Variants in PTPRD observed in about 807,000 individuals in gnomAD.
PTPRD encodes the protein receptor-type tyrosine-protein phosphatase delta.
Under a neutral mutation model 214.5 loss-of-function variants are expected in PTPRD, and 34 were observed. The ratio of observed to expected loss-of-function variants is 0.16; its 90% CI spans 0.12 to 0.21. The LOEUF (loss-of-function observed/expected upper bound fraction) is 0.21. PTPRD is among the 10% of genes least tolerant of loss of function. The pLI is 1.00. For missense variants in PTPRD, 2,545 were observed against 2,398.7 expected, an observed-to-expected ratio of 1.06 and a Z score of -1.27; for synonymous variants, 1,128 against 845.7, an observed-to-expected ratio of 1.33 and a Z score of -5.79.
chr9:8,998,373 C>G (rs1169792160), intron 11 of PTPRD, among the ~76,000 whole-genome samples: 1 of 151,998 alleles, frequency 6.6e-6, no homozygotes, highest in Non-Finnish European at 1.5e-5. Context: ...AAGAATTATG[C>G]TAAATCTACC....
At chr9:9,951,961 A>G (rs756621323) in intron 4 of PTPRD, among the ~76,000 whole-genome samples, 6 of 152,184 alleles carry the variant, frequency 3.9e-5, no homozygotes, top group Non-Finnish European at 7.3e-5. Context: ...GCCCAAATAT[A>G]TATGTTGGAA....
intron 6 of PTPRD, among the ~76,000 whole-genome samples, chr9:9,752,754 A>C (rs181629408): frequency 1.4e-4 from 22 of 152,180 alleles, no homozygotes; most frequent in Admixed American, 3.9e-4. Context: ...AATTTTAGAA[A>C]AATCGTTTTA....
chr9:9,848,683 T>C (rs1264347538), intron 5 of PTPRD, among the ~76,000 whole-genome samples: 1 of 152,054 alleles, frequency 6.6e-6, no homozygotes, highest in Non-Finnish European at 1.5e-5. Flanking sequence ...AGAAAATATA[T>C]CACACAAAAT....
chr9:9,610,178 C>T (rs1044693483), intron 7 of PTPRD, among the ~76,000 whole-genome samples: 2 of 152,066 alleles, frequency 1.3e-5, no homozygotes, highest in African/African-American at 4.8e-5. Context: ...TATAATGTAG[C>T]GTATTTCAAC....
chr9:9,945,735 A>T (rs1321960452), intron 4 of PTPRD, among the ~76,000 whole-genome samples: 1 of 152,130 alleles, frequency 6.6e-6, no homozygotes, highest in Non-Finnish European at 1.5e-5. Flanking sequence ...ACATAAATAG[A>T]ACACTTCTGA....
intron 7 of PTPRD, among the ~76,000 whole-genome samples, chr9:9,734,251 T>C (rs1158200642): frequency 1.3e-5 from 2 of 152,128 alleles, no homozygotes; most frequent in African/African-American, 2.4e-5. Flanking sequence ...ACTCTTTCAG[T>C]GGGGATTTAA....
At chr9:8,679,283 G>T (rs762411024) in intron 12 of PTPRD, among the ~76,000 whole-genome samples, 3 of 152,264 alleles carry the variant, frequency 2.0e-5, no homozygotes, top group South Asian at 2.1e-4. Flanking sequence ...CTCTTGATAC[G>T]ATTTCTGATC....
At chr9:8,859,251 G>A (rs1229123967) in intron 11 of PTPRD, among the ~76,000 whole-genome samples, 1 of 152,208 alleles carries the variant, frequency 6.6e-6, no homozygotes, top group African/African-American at 2.4e-5. Flanking sequence ...TTCTCTGAAG[G>A]ACACTATAAC....
chr9:9,785,925 A>C (rs2098920114), intron 5 of PTPRD, among the ~76,000 whole-genome samples: 1 of 152,188 alleles, frequency 6.6e-6, no homozygotes, highest in South Asian at 2.1e-4. Context: ...GTCATGATGA[A>C]ATGAAGGCAA....
intron 3 of PTPRD, among the ~76,000 whole-genome samples, chr9:10,196,307 A>G (rs1231539103): frequency 1.3e-5 from 2 of 152,172 alleles, no homozygotes; most frequent in East Asian, 3.8e-4. Flanking sequence ...TGTCACTAAT[A>G]AGAGGACCTC....
intron 2 of PTPRD, among the ~76,000 whole-genome samples, chr9:10,448,489 G>T (rs2098814895): frequency 6.6e-6 from 1 of 151,848 alleles, no homozygotes; most frequent in Admixed American, 6.6e-5. Flanking sequence ...AGTGAAAGGT[G>T]GTTCATCTAA....
At chr9:10,221,660 A>T (rs2099571512) in intron 3 of PTPRD, among the ~76,000 whole-genome samples, 1 of 152,060 alleles carries the variant, frequency 6.6e-6, no homozygotes, top group African/African-American at 2.4e-5. Flanking sequence ...TCTGGTGTGT[A>T]TAAATAGATG....
intron 9 of PTPRD, among the ~76,000 whole-genome samples, chr9:9,286,500 C>A (rs1337624214): frequency 6.6e-6 from 1 of 151,746 alleles, no homozygotes; most frequent in African/African-American, 2.4e-5. Context: ...AATGTCCATT[C>A]ACAACTCTGA....
At chr9:10,305,467 A>G (rs1182197227) in intron 3 of PTPRD, among the ~76,000 whole-genome samples, 6 of 151,984 alleles carry the variant, frequency 3.9e-5, no homozygotes, top group African/African-American at 1.5e-4. Flanking sequence ...AGAAACTATC[A>G]TCAGAGTGAA....
At chr9:9,684,460 C>T (rs138684486) in intron 7 of PTPRD, among the ~76,000 whole-genome samples, 98 of 151,696 alleles carry the variant, frequency 6.5e-4, no homozygotes, top group African/African-American at 2.3e-3. Flanking sequence ...TTCTCTATGG[C>T]CTCATTTAGA....
At chr9:10,432,833 C>G (rs575819393) in intron 2 of PTPRD, among the ~76,000 whole-genome samples, 1 of 152,068 alleles carries the variant, frequency 6.6e-6, no homozygotes, top group Non-Finnish European at 1.5e-5. Context: ...CAAACTACTC[C>G]TATTTCCCGA....
At chr9:9,214,276 T>A (rs773102937) in intron 9 of PTPRD, among the ~76,000 whole-genome samples, 1 of 152,192 alleles carries the variant, frequency 6.6e-6, no homozygotes, top group Non-Finnish European at 1.5e-5. Flanking sequence ...CCCGATATGG[T>A]CCAGTGGAAA....
At chr9:10,155,777 C>T (rs1222658450) in intron 3 of PTPRD, among the ~76,000 whole-genome samples, 1 of 152,104 alleles carries the variant, frequency 6.6e-6, no homozygotes, top group Non-Finnish European at 1.5e-5. Context: ...ACCAATCTTG[C>T]ATCCCAGAGA....
intron 2 of PTPRD, among the ~76,000 whole-genome samples, chr9:10,388,432 A>G (rs1367827777): frequency 6.6e-6 from 1 of 151,152 alleles, no homozygotes; most frequent in African/African-American, 2.4e-5. Flanking sequence ...TGACTATAGT[A>G]GATGCTTAAT....
Sources: allele counts gnomAD v4.1 joint callset (sites outside exome capture counted in the v4.1 genomes callset), GRCh38; gene constraint gnomAD v4.1.1; transcripts MANE v1.5; gene names NCBI Gene and HGNC (gene_info 2026-07-23, HGNC 2026-07-21).